Variants in KCNT1 observed in about 807,000 individuals in gnomAD.
The protein encoded by KCNT1 is potassium sodium-activated channel subfamily T member 1.
A neutral mutation model predicts 147.8 loss-of-function variants in KCNT1; 78 were observed. The observed-to-expected ratio is 0.53, with a 90% confidence interval of 0.44 to 0.64. The LOEUF (loss-of-function observed/expected upper bound fraction) is 0.64, where lower values mean the gene tolerates loss of function less well. Ranked by LOEUF, KCNT1 falls within the 30% of genes least tolerant of loss-of-function variation. The pLI is 0.00. For synonymous variants in KCNT1, 867 were observed against 748.8 expected (o/e 1.16, Z -2.58); for missense variants, 1,419 against 1,750.3 (o/e 0.81, Z 3.38).
rs532149600 is a variant in KCNT1 at position 135,727,520 on chromosome 9, A to G, written c.254+12800A>G. ...CTGCAGGGTCCCCTCCACAGTGATT[A>G]GTCAAGGCCCAGCCCGAGGGGCCTG... On this transcript the variant is annotated intron_variant, in intron 2 of 30. Coordinates refer to ENST00000371757, the MANE Select transcript of KCNT1 (RefSeq NM_020822.3). Among the ~76,000 whole-genome samples, 5 of 150,798 alleles carry G rather than the reference A, an allele frequency of 3.3e-5. No homozygotes were observed. The East Asian group carries it at 9.9e-4, about 30-fold the overall frequency.
intron 13 of KCNT1, 64 bp from the exon 14 acceptor site, chr9:135,768,546 G>A (rs762740580): frequency 8.7e-5 from 119 of 1,371,706 alleles, no homozygotes; most frequent in African/African-American, 1.2e-4. Context: ...CCTCACCTCC[G>A]CACCCCCGGC....
chr9:135,726,522 G>A (rs1836149085), intron 2 of KCNT1, among the ~76,000 whole-genome samples: 1 of 152,024 alleles, frequency 6.6e-6, no homozygotes, highest in Admixed American at 6.5e-5. Flanking sequence ...GAACCTGTTG[G>A]GAGGGTAAAG....
chr9:135,721,998 C>T (rs1397444326), intron 2 of KCNT1, among the ~76,000 whole-genome samples: 1 of 152,206 alleles, frequency 6.6e-6, no homozygotes, highest in East Asian at 1.9e-4. Flanking sequence ...GCTTGCGTTG[C>T]CTCCAGCCCT....
At chr9:135,755,335 A>C (rs1014168985) in intron 6 of KCNT1, among the ~76,000 whole-genome samples, 166 bp downstream of exon 6, 1 of 151,610 alleles carries the variant, frequency 6.6e-6, no homozygotes, top group African/African-American at 2.4e-5. Flanking sequence ...CACTGAGGAC[A>C]GACCCAGGCT....
intron 10 of KCNT1, among the ~76,000 whole-genome samples, chr9:135,758,987 T>C (rs1216594500): frequency 6.6e-6 from 1 of 152,200 alleles, no homozygotes; most frequent in Non-Finnish European, 1.5e-5. Context: ...CAGCGAGGCC[T>C]GGTCACCACT....
At chr9:135,751,590 G>A (rs923144451) in intron 4 of KCNT1, among the ~76,000 whole-genome samples, 1 of 152,182 alleles carries the variant, frequency 6.6e-6, no homozygotes, top group East Asian at 1.9e-4. Context: ...ATGAGGGTGG[G>A]TGGGAACTTG....
In KCNT1 at chr9:135,751,027, C is replaced by T. The variant is rs1238765373; in HGVS notation, c.420C>T (p.Ala140=). Residue 140 remains alanine, a synonymous_variant, in exon 4 of 31, where the codon GCC becomes GCT. Coordinates refer to ENST00000371757, the MANE Select transcript of KCNT1 (RefSeq NM_020822.3). The part of the protein sequence containing the change: ...YIVRVLLDDP[A]LGIGCWGCPK... ...TGCGCGTCCTGCTCGATGACCCGGC[C>T]CTGGGCATCGGATGGTGGGCCACGT... The T allele has an allele frequency of 6.2e-7, 1 of 1,611,486 alleles. No homozygotes were observed. Among genetic ancestry groups the T allele is most frequent in the Non-Finnish European group, 8.5e-7 (1 of 1,179,810 alleles).
chr9:135,759,209 G>A (rs568853384), intron 10 of KCNT1, among the ~76,000 whole-genome samples: 1 of 152,356 alleles, frequency 6.6e-6, no homozygotes, highest in South Asian at 2.1e-4. Context: ...AGGCCTGGGC[G>A]CTTGTCTGGC....
At chr9:135,709,444 T>C (rs1159014895) in intron 1 of KCNT1, among the ~76,000 whole-genome samples, 1 of 152,158 alleles carries the variant, frequency 6.6e-6, no homozygotes, top group Non-Finnish European at 1.5e-5. Flanking sequence ...TGTCCCCAGG[T>C]AGAGGTTCCA....
At chr9:135,728,478 C>T (rs1480537069) in intron 2 of KCNT1, among the ~76,000 whole-genome samples, 3 of 152,238 alleles carry the variant, frequency 2.0e-5, no homozygotes, top group Non-Finnish European at 2.9e-5. Flanking sequence ...CAGCCACCCA[C>T]GGCCTGCCTG....
Position 135,772,719 on chromosome 9 carries a change from A to G in KCNT1, c.2013A>G (p.Thr671=). 7.2e-7 allele frequency: 1 copy of G among 1,394,496 alleles called. No homozygotes were observed. The highest frequency in any genetic ancestry group is 2.9e-5 in the East Asian group (1 of 34,450). The allele number at this position is 1,394,496 out of a possible 1,614,324, so 86.4% of individuals were successfully genotyped here. A position where few individuals can be genotyped will look rare whatever the true frequency, so the allele number is the denominator to read the frequency against. Reference sequence around the variant, plus strand: ...AAGCACAGGGCTCTCTTCCAGGGACAGTGGCCATGGACCTGCAGGGCACAG... The same window carrying G: ...AAGCACAGGGCTCTCTTCCAGGGACGGTGGCCATGGACCTGCAGGGCACAG... ...PVHSIIASMG[T]VAMDLQGTEH... is the part of the protein sequence containing the mutation. The change falls in exon 19 of 31, where the codon ACA becomes ACG. Residue 671 remains threonine (T), a synonymous_variant. Transcript: ENST00000371757.
chr9:135,731,960 G>GTGTATATA (rs1471079492), intron 2 of KCNT1, among the ~76,000 whole-genome samples: 19 of 41,414 alleles, frequency 4.6e-4, no homozygotes, highest in Non-Finnish European at 6.6e-4. Flanking sequence ...AAATATGCGT[G>GTGTATATA]TATATATATA....
rs1588367627 is a variant in KCNT1 at position 135,772,817 on chromosome 9, G to A, written c.2111G>A (p.Gly704Asp). 5.9e-6 allele frequency: 9 copies of A among 1,517,742 alleles called. No individual in the cohort carries two copies. The highest frequency in any genetic ancestry group is 7.1e-6 in the Non-Finnish European group (8 of 1,130,780). The allele number at this position is 1,517,742 out of a possible 1,614,324, so 94.0% of individuals were successfully genotyped here. ...GCACTGCCCACGGAGAACGGCTCGGGCAGCCGGCGGCCCAGCATCGCGCCC... is the reference window on the plus strand; with the variant it reads ...GCACTGCCCACGGAGAACGGCTCGGACAGCCGGCGGCCCAGCATCGCGCCC... Reference protein sequence around the residue: ...KLALPTENGSGSRRPSIAPVL... With the variant: ...KLALPTENGSDSRRPSIAPVL... The change falls in exon 19 of 31, where the codon GGC becomes GAC. Residue 704 changes from glycine to aspartate, a missense_variant. Coordinates refer to ENST00000371757, the MANE Select transcript of KCNT1 (RefSeq NM_020822.3).
intron 29 of KCNT1, chr9:135,788,985 G>A (rs1834286980): frequency 6.6e-6 from 1 of 151,188 alleles, no homozygotes; most frequent in Non-Finnish European, 1.5e-5. Flanking sequence ...TTGCCACAAT[G>A]CCCTTGCACC....
At chr9:135,745,110 T>C (rs916173094) in intron 2 of KCNT1, among the ~76,000 whole-genome samples, 14 of 152,242 alleles carry the variant, frequency 9.2e-5, no homozygotes, top group African/African-American at 3.1e-4. Flanking sequence ...CCCAGACGGA[T>C]GCCGCCATGA....
At chr9:135,734,483 G>A (rs1046583504) in intron 2 of KCNT1, among the ~76,000 whole-genome samples, 1 of 152,208 alleles carries the variant, frequency 6.6e-6, no homozygotes. Flanking sequence ...TTCAGACGTG[G>A]TACAGCAGCA....
intron 2 of KCNT1, among the ~76,000 whole-genome samples, chr9:135,748,158 T>C (rs550861936): frequency 1.8e-4 from 27 of 152,208 alleles, no homozygotes; most frequent in African/African-American, 6.5e-4. Context: ...GGTCTCAAAC[T>C]CCCGGCCTCA....
rs984768490 is a variant in KCNT1, at chr9:135,795,130, T to G, written c.*2969T>G. ...TGTTTGTTTTTATTTTCCTTATACC[T>G]AATTCATCTAACAGAAAACTGGGCA... On this transcript the variant is annotated 3_prime_UTR_variant, in exon 31 of 31. Coordinates refer to ENST00000371757, the MANE Select transcript of KCNT1 (RefSeq NM_020822.3). 2.0e-5 allele frequency: 3 copies of G among 152,188 alleles called. No homozygotes were observed. The highest frequency in any genetic ancestry group is 6.5e-5 in the Admixed American group (1 of 15,276). 9.4% of individuals were successfully genotyped at this position (152,188 alleles called of 1,614,324 possible). A position where few individuals can be genotyped will look rare whatever the true frequency, so the allele number is the denominator to read the frequency against.
intron 2 of KCNT1, among the ~76,000 whole-genome samples, chr9:135,740,853 AC>A: frequency 6.6e-6 from 1 of 152,122 alleles, no homozygotes; most frequent in East Asian, 2.0e-4. Flanking sequence ...CTCCTGGACC[AC>A]CGTGGGTTTG....
Sources: gnomAD v4.1 joint callset for allele counts (sites outside exome capture counted in the v4.1 genomes callset) on GRCh38, gnomAD v4.1.1 for gene constraint, MANE v1.5 for transcripts, NCBI Gene and HGNC (gene_info 2026-07-23, HGNC 2026-07-21) for gene names.